The following CHRNB3 variants were observed in gnomAD, a reference collection of about 807,000 sequenced individuals.
CHRNB3 encodes neuronal acetylcholine receptor subunit beta-3.
A neutral mutation model predicts 40.6 loss-of-function variants in CHRNB3; 37 were observed. That is an observed-to-expected ratio of 0.91 (90% CI 0.70 to 1.20). CHRNB3 has a LOEUF of 1.20. Among genes scored for constraint, CHRNB3 ranks in the 50% most tolerant of loss-of-function variants. The probability of loss-of-function intolerance (pLI) is 0.00; values close to 1 mark genes in which losing one functional copy is unlikely to be tolerated. For missense variants in CHRNB3, 505 were observed against 551.2 expected (o/e 0.92, Z 0.84); for synonymous variants, 207 against 207.1 (o/e 1.00, Z 0.00).
chr8:42,727,416 C>T (rs1816331515), intron 3 of CHRNB3, among the ~76,000 whole-genome samples: 1 of 149,996 alleles, frequency 6.7e-6, no homozygotes, highest in Non-Finnish European at 1.5e-5. Context: ...GACAGATACA[C>T]AGATCAGTGA....
Position 42,731,765 on chromosome 8 carries a change from G to A in CHRNB3, c.458G>A (p.Cys153Tyr), listed in dbSNP as rs765202503. ...WTPPASYKSSCTMDVTFFPFD... is the reference protein window; with the variant it reads ...WTPPASYKSSYTMDVTFFPFD... ...CCTCCCGCCAGCTACAAAAGCTCCT[G>A]CACCATGGACGTCACGTTTTTCCCG... Residue 153 changes from cysteine (C) to tyrosine (Y), a missense_variant, in exon 5 of 6, where the codon TGC becomes TAC. Physicochemically the swap from Cys to Tyr is radical, Grantham distance 194. Coordinates refer to ENST00000289957, the MANE Select transcript of CHRNB3 (RefSeq NM_000749.5). 1 of 1,614,078 alleles carries A rather than the reference G, an allele frequency of 6.2e-7. No individual in the cohort carries two copies. Among genetic ancestry groups the A allele is most frequent in the Non-Finnish European group, 8.5e-7 (1 of 1,180,036 alleles).
intron 1 of CHRNB3, 21 bp downstream of exon 1, chr8:42,697,619 A>G (rs752547012): frequency 3.8e-6 from 6 of 1,593,988 alleles, no homozygotes; most frequent in Non-Finnish European, 4.3e-6. Context: ...GTCACAGTAA[A>G]TTAAAACTAC....
chr8:42,710,698 G>A (rs1006410107), intron 3 of CHRNB3, among the ~76,000 whole-genome samples: 1 of 152,146 alleles, frequency 6.6e-6, no homozygotes, highest in East Asian at 1.9e-4. Context: ...CTGCCATAAG[G>A]CCTGGGGATG....
At chr8:42,710,112 A>G (rs1436577635) in intron 2 of CHRNB3, among the ~76,000 whole-genome samples, 1 of 152,208 alleles carries the variant, frequency 6.6e-6, no homozygotes, top group Non-Finnish European at 1.5e-5. Flanking sequence ...AATCTTTTGC[A>G]CTTTTAACAC....
In CHRNB3 at chr8:42,717,403, A is replaced by AAAAAAAAAAAAAAAAAAAAAAAAAAAAAG. The variant is rs71221230; in HGVS notation, c.249+6971_249+6972insAAAAAAAAAAAAAAAAAAAAAAAAAAGAA. The stretch of plus-strand genomic sequence containing the variant: ...AAAAAAAAAAAAAAAAAAAAAAAAA[A>AAAAAAAAAAAAAAAAAAAAAAAAAAAAAG]AAGCCGACCTGTTGTGGAAAGGTCA... On this transcript the variant is annotated intron_variant, in intron 3 of 5. Transcript: ENST00000289957. 4.7e-4 allele frequency among the ~76,000 whole-genome samples: 24 copies of AAAAAAAAAAAAAAAAAAAAAAAAAAAAAG among 50,904 alleles called. 9 individuals carry two copies. The highest frequency in any genetic ancestry group is 7.9e-4 in the Non-Finnish European group (21 of 26,716). The allele number at this position is 50,904 out of a possible 152,430, so 33.4% of individuals were successfully genotyped here.
At chr8:42,705,906 A>G (rs376687649) in intron 1 of CHRNB3, 54 of 152,334 alleles carry the variant, frequency 3.5e-4, no homozygotes, top group African/African-American at 1.3e-3. Context: ...CCATTAGCTC[A>G]ACAGCTGCTG....
Position 42,730,599 on chromosome 8 carries a change from GACAGACC to G in CHRNB3, c.259_265del (p.Asp87SerfsTer27), listed in dbSNP as rs755744915. The G allele has an allele frequency of 6.3e-7, 1 of 1,594,876 alleles. No individual in the cohort carries two copies. Among genetic ancestry groups the G allele is most frequent in the Non-Finnish European group, 8.6e-7 (1 of 1,168,136 alleles). ...AGTGTACTAATTTCATGCAGGAATG[GACAGACC>G]ACAAGTTACGCTGGAATCCTGATGA... On this transcript the variant is annotated frameshift_variant, in exon 4 of 6. Transcript: ENST00000289957. LOFTEE classifies it high-confidence loss of function.
intron 3 of CHRNB3, chr8:42,726,220 C>T (rs1816307014): frequency 2.4e-6 from 2 of 829,948 alleles, no homozygotes; most frequent in Non-Finnish European, 4.0e-6. Context: ...TTTGCTCTTG[C>T]TCTGCCATCT....
At chr8:42,706,475 G>A (rs1815924241) in intron 1 of CHRNB3, among the ~76,000 whole-genome samples, 1 of 152,158 alleles carries the variant, frequency 6.6e-6, no homozygotes, top group Non-Finnish European at 1.5e-5. Flanking sequence ...GAGCCCAAGA[G>A]AGAGAGCATC....
chr8:42,724,167 C>T (rs900523953), intron 3 of CHRNB3, among the ~76,000 whole-genome samples: 2 of 151,974 alleles, frequency 1.3e-5, no homozygotes, highest in East Asian at 1.9e-4. Flanking sequence ...GAGGCTGAGG[C>T]GGGCAGATCA....
At chr8:42,717,819 C>CTTTT (rs71550406) in intron 3 of CHRNB3, among the ~76,000 whole-genome samples, 74 of 100,178 alleles carry the variant, frequency 7.4e-4, no homozygotes, top group Non-Finnish European at 9.1e-4. Flanking sequence ...CTTTCTCATC[C>CTTTT]TTTTTTTTTT....
At chr8:42,729,622 A>C (rs1205053478) in intron 3 of CHRNB3, among the ~76,000 whole-genome samples, 1 of 152,066 alleles carries the variant, frequency 6.6e-6, no homozygotes, top group Non-Finnish European at 1.5e-5. Flanking sequence ...GACATCATCC[A>C]TCTGCTGACT....
At chr8:42,711,929 A>G (rs144150231) in intron 3 of CHRNB3, among the ~76,000 whole-genome samples, 2,176 of 151,006 alleles carry the variant, frequency 0.014, 47 homozygotes, top group African/African-American at 0.05. Flanking sequence ...CCAGTTGTTT[A>G]GCTCCCACTT....
chr8:42,698,803 G>C (rs1425258898), intron 1 of CHRNB3, among the ~76,000 whole-genome samples: 1 of 152,142 alleles, frequency 6.6e-6, no homozygotes, highest in African/African-American at 2.4e-5. Context: ...TAAGACAATT[G>C]ATTCTTACCA....
intron 1 of CHRNB3, among the ~76,000 whole-genome samples, chr8:42,700,447 G>A (rs1219070354): frequency 6.6e-6 from 1 of 151,944 alleles, no homozygotes; most frequent in Non-Finnish European, 1.5e-5. Flanking sequence ...TCAGCCTCCC[G>A]AGTAGCTGAG....
At chr8:42,727,372 CGAA>C in intron 3 of CHRNB3, among the ~76,000 whole-genome samples, 1 of 105,972 alleles carries the variant, frequency 9.4e-6, no homozygotes, top group Admixed American at 1.1e-4. Context: ...GACTCTGTCT[CGAA>C]AAAAAAAAAA....
At chr8:42,703,433 A>AAAAAAAAAAAATATATATAAATAT (rs1815856035) in intron 1 of CHRNB3, among the ~76,000 whole-genome samples, 1 of 27,786 alleles carries the variant, frequency 3.6e-5, no homozygotes, top group African/African-American at 7.2e-5. Context: ...AAAAAAAAAA[A>AAAAAAAAAAAATATATATAAATAT]AAATATTTAT....
chr8:42,717,613 T>G (rs1003487476), intron 3 of CHRNB3, among the ~76,000 whole-genome samples: 1 of 151,532 alleles, frequency 6.6e-6, no homozygotes, highest in African/African-American at 2.4e-5. Context: ...AAGTGGACCC[T>G]GGTAAGAATT....
At chr8:42,731,555 A>T (rs1478951074) in intron 4 of CHRNB3, 112 bp from the exon 5 acceptor site, 14 of 1,241,186 alleles carry the variant, frequency 1.1e-5, no homozygotes, top group Admixed American at 8.3e-5. Flanking sequence ...ACTCCATCTC[A>T]AAAAAGAAAA....
Sources: gnomAD v4.1 joint callset for allele counts (sites outside exome capture counted in the v4.1 genomes callset) on GRCh38, gnomAD v4.1.1 for gene constraint, MANE v1.5 for transcripts, NCBI Gene and HGNC (gene_info 2026-07-23, HGNC 2026-07-21) for gene names.